NEDD4L: variants seen among roughly 807,000 people sequenced by gnomAD.
The protein encoded by NEDD4L is NEDD4 like E3 ubiquitin protein ligase.
In NEDD4L, 54 loss-of-function variants were observed where a neutral mutation model predicts 148.9. The ratio of observed to expected loss-of-function variants is 0.36; its 90% CI spans 0.29 to 0.45. NEDD4L has a LOEUF of 0.45. NEDD4L is among the 20% of genes least tolerant of loss of function. NEDD4L has a pLI of 1.00. For synonymous variants in NEDD4L, 433 were observed against 440.7 expected (o/e 0.98, Z 0.22); for missense variants, 856 against 1,233.8 (o/e 0.69, Z 4.59).
chr18:58,111,256 C>A lies in NEDD4L; in HGVS notation c.49-54532C>A, dbSNP rs1318752371. ...CTAGTTTTTGTATTTTTAGTAGAGA[C>A]AGGGTTTCATCATATTGGTCAGGCT... On this transcript the variant is annotated intron_variant, in intron 1 of 30. Transcript: ENST00000400345. 9.9e-5 allele frequency among the ~76,000 whole-genome samples: 15 copies of A among 152,244 alleles called. 1 individual carries two copies. In the East Asian group the frequency reaches 2.7e-3, roughly 27 times the overall value.
chr18:58,049,013 A>G (rs1406636175), intron 1 of NEDD4L, among the ~76,000 whole-genome samples: 1 of 152,246 alleles, frequency 6.6e-6, no homozygotes. Context: ...CGAAGAAAAA[A>G]TTGCTGTCAA....
intron 11 of NEDD4L, among the ~76,000 whole-genome samples, chr18:58,331,506 GC>G (rs761340496): frequency 1.3e-5 from 2 of 152,164 alleles, no homozygotes; most frequent in Non-Finnish European, 2.9e-5. Flanking sequence ...TTTAACTTGG[GC>G]TCTCAACCAT....
chr18:58,303,890 G>T (rs1227044908), intron 5 of NEDD4L, among the ~76,000 whole-genome samples: 2 of 152,166 alleles, frequency 1.3e-5, no homozygotes, highest in Non-Finnish European at 2.9e-5. Context: ...CAAGGAGATA[G>T]GAGTTAAAGA....
chr18:58,340,451 A>G (rs990958831), intron 13 of NEDD4L, among the ~76,000 whole-genome samples: 7 of 152,158 alleles, frequency 4.6e-5, no homozygotes, highest in Admixed American at 4.6e-4. Context: ...GCTGGGGCAC[A>G]CAGATGTCCT....
intron 2 of NEDD4L, among the ~76,000 whole-genome samples, chr18:58,176,734 A>C (rs762246591): frequency 8.5e-5 from 13 of 152,282 alleles, no homozygotes; most frequent in Admixed American, 2.0e-4. Context: ...TGATGCATGG[A>C]TATTTGCTGT....
At chr18:58,337,977 G>T (rs2041981736) in intron 13 of NEDD4L, among the ~76,000 whole-genome samples, 1 of 152,158 alleles carries the variant, frequency 6.6e-6, no homozygotes, top group South Asian at 2.1e-4. Context: ...AGTCTTTGTT[G>T]TATATATTCT....
chr18:58,252,145 A>G (rs754609643), intron 5 of NEDD4L, 91 bp downstream of exon 5: 20 of 849,856 alleles, frequency 2.4e-5, no homozygotes, highest in African/African-American at 1.7e-4. Context: ...TTTATGTTGT[A>G]CTTAGGACAG....
chr18:58,084,671 T>TTGTGTGTGTGTG (rs55916532), intron 1 of NEDD4L, among the ~76,000 whole-genome samples: 4,473 of 133,718 alleles, frequency 0.033, 130 homozygotes, highest in East Asian at 0.1. Context: ...TGTGGGGTTT[T>TTGTGTGTGTGTG]TGTGTGTGTG....
intron 1 of NEDD4L, among the ~76,000 whole-genome samples, chr18:58,073,842 C>G (rs1568177258): frequency 6.6e-6 from 1 of 152,150 alleles, no homozygotes; most frequent in African/African-American, 2.4e-5. Context: ...GAGGGGCAGA[C>G]TTTATGGTAT....
chr18:58,144,732 T>C (rs1029672608), intron 1 of NEDD4L, among the ~76,000 whole-genome samples: 6 of 152,186 alleles, frequency 3.9e-5, no homozygotes, highest in African/African-American at 1.4e-4. Context: ...CCCTCGCGTG[T>C]ACCGCACAGT....
chr18:58,213,806 CTT>C (rs2042854340), intron 2 of NEDD4L, among the ~76,000 whole-genome samples: 1 of 151,998 alleles, frequency 6.6e-6, no homozygotes, highest in Non-Finnish European at 1.5e-5. Context: ...CTGATATCCT[CTT>C]AGATTTTACG....
intron 2 of NEDD4L, among the ~76,000 whole-genome samples, chr18:58,206,648 C>CT (rs2147567722): frequency 6.6e-6 from 1 of 152,162 alleles, no homozygotes; most frequent in South Asian, 2.1e-4. Context: ...GGCAACAGAA[C>CT]TTAAGATATG....
Position 58,256,716 on chromosome 18 carries a change from C to A in NEDD4L, c.297+4662C>A, listed in dbSNP as rs1252220296. The A allele has an allele frequency of 6.5e-6, 8 of 1,232,044 alleles. No individual in the cohort carries two copies. Among genetic ancestry groups the A allele is most frequent in the African/African-American group, 4.7e-5 (3 of 64,418 alleles). The allele number at this position is 1,232,044 out of a possible 1,614,324, so 76.3% of individuals were successfully genotyped here. Reference sequence around the variant, plus strand: ...GTAACCCGGGGGCCGGAAGAAGCTCCCCAGAATCCCGAGGAGAAAAGCGCC... The same window carrying A: ...GTAACCCGGGGGCCGGAAGAAGCTCACCAGAATCCCGAGGAGAAAAGCGCC... On this transcript the variant is annotated intron_variant, in intron 5 of 30. Coordinates refer to ENST00000400345, the MANE Select transcript of NEDD4L (RefSeq NM_001144967.3). The surrounding 1 kb of genome is among the most constrained non-coding windows in gnomAD (Gnocchi z 5.2).
chr18:58,369,112 G>A (rs2046486262), intron 22 of NEDD4L, among the ~76,000 whole-genome samples: 1 of 152,206 alleles, frequency 6.6e-6, no homozygotes, highest in Non-Finnish European at 1.5e-5. Context: ...TGAGCAGAAG[G>A]GAGTGCATTG....
At chr18:58,145,738 T>A (rs12959070) in intron 1 of NEDD4L, among the ~76,000 whole-genome samples, 49,259 of 151,928 alleles carry the variant, frequency 0.32, 8,241 homozygotes, top group African/African-American at 0.35. Context: ...CAAAGTCTCC[T>A]CTACTTAAGG....
At chr18:58,097,647 G>A (rs8088201) in intron 1 of NEDD4L, among the ~76,000 whole-genome samples, 5,306 of 152,278 alleles carry the variant, frequency 0.035, 314 homozygotes, top group African/African-American at 0.12. Flanking sequence ...CAGATATACA[G>A]ATGGAGTGGG....
At chr18:58,278,413 TCCTACCTG>T (rs1420037430) in intron 5 of NEDD4L, among the ~76,000 whole-genome samples, 1 of 152,226 alleles carries the variant, frequency 6.6e-6, no homozygotes, top group African/African-American at 2.4e-5. Context: ...CAGAGGAGTT[TCCTACCTG>T]GTTAGACACT....
chr18:58,114,386 A>T (rs1274893024), intron 1 of NEDD4L, among the ~76,000 whole-genome samples: 2 of 152,210 alleles, frequency 1.3e-5, no homozygotes, highest in East Asian at 3.8e-4. Flanking sequence ...ACATACACAC[A>T]TATAAAGTAA....
chr18:58,401,213 A>G lies in NEDD4L; in HGVS notation c.*4944A>G, dbSNP rs1197746285. The G allele has an allele frequency of 1.3e-5, 2 of 152,260 alleles. No individual in the cohort carries two copies. Among genetic ancestry groups the G allele is most frequent in the Non-Finnish European group, 2.9e-5 (2 of 68,048 alleles). The allele number at this position is 152,260 out of a possible 1,614,324, so 9.4% of individuals were successfully genotyped here. On this transcript the variant is annotated 3_prime_UTR_variant, in exon 31 of 31. Coordinates refer to ENST00000400345, the MANE Select transcript of NEDD4L (RefSeq NM_001144967.3). ...TATCAATGTTTCATAACTTTTTATTATAAACCCACCTCCTAATAGGAAGCC... is the reference window on the plus strand; with the variant it reads ...TATCAATGTTTCATAACTTTTTATTGTAAACCCACCTCCTAATAGGAAGCC...
Sources: gnomAD v4.1 joint callset for allele counts (sites outside exome capture counted in the v4.1 genomes callset) on GRCh38, gnomAD v4.1.1 for gene constraint, Gnocchi (gnomAD v3.1) non-coding constraint, MANE v1.5 for transcripts, NCBI Gene and HGNC (gene_info 2026-07-23, HGNC 2026-07-21) for gene names.